The following USP10 variants were observed in gnomAD, a reference collection of about 807,000 sequenced individuals.
USP10 encodes the protein ubiquitin carboxyl-terminal hydrolase 10.
A neutral mutation model predicts 84.5 loss-of-function variants in USP10; 22 were observed. That is an observed-to-expected ratio of 0.26 (90% CI 0.19 to 0.37). The LOEUF (loss-of-function observed/expected upper bound fraction) is 0.37. USP10 is among the 10% of genes least tolerant of loss of function. The pLI is 1.00. For missense variants in USP10, 1,019 were observed against 998.9 expected, an observed-to-expected ratio of 1.02 and a Z score of -0.27; for synonymous variants, 454 against 387.6, an observed-to-expected ratio of 1.17 and a Z score of -2.01.
At chr16:84,702,195 T>A (rs1433779913) in intron 1 of USP10, among the ~76,000 whole-genome samples, 1 of 151,638 alleles carries the variant, frequency 6.6e-6, no homozygotes, top group Non-Finnish European at 1.5e-5. Context: ...TAGCTGGGAT[T>A]ACAGGCGCCC....
intron 12 of USP10, among the ~76,000 whole-genome samples, chr16:84,773,584 T>C (rs1410446095): frequency 1.3e-5 from 2 of 152,224 alleles, no homozygotes; most frequent in Non-Finnish European, 2.9e-5. Context: ...ACAAGAGCTG[T>C]GCTTTCTGCT....
intron 1 of USP10, among the ~76,000 whole-genome samples, chr16:84,720,055 TA>T (rs1907579718): frequency 6.6e-6 from 1 of 152,236 alleles, no homozygotes; most frequent in Admixed American, 6.5e-5. Flanking sequence ...TGCTTGATCT[TA>T]ACACCGGAAG....
At chr16:84,775,044 G>A (rs759710766) in intron 12 of USP10, 116 bp from the exon 13 acceptor site, 1 of 863,326 alleles carries the variant, frequency 1.2e-6, no homozygotes, top group Non-Finnish European at 1.9e-6. Flanking sequence ...GTGTTGTTTT[G>A]TTCCTGGTCT....
intron 4 of USP10, among the ~76,000 whole-genome samples, chr16:84,754,948 C>G (rs534832765): frequency 1.3e-5 from 2 of 151,150 alleles, no homozygotes; most frequent in South Asian, 2.1e-4. Context: ...CGAGACCAGC[C>G]TGGCCAATGT....
chr16:84,732,531 C>T (rs957124966), intron 1 of USP10: 9 of 378,000 alleles, frequency 2.4e-5, no homozygotes, highest in East Asian at 1.1e-4. Flanking sequence ...ACTGCAACCT[C>T]GGCCTCCCTG....
At chr16:84,765,112 A>T (rs906373506) in intron 10 of USP10, among the ~76,000 whole-genome samples, 20 of 151,742 alleles carry the variant, frequency 1.3e-4, no homozygotes, top group African/African-American at 4.8e-4. Context: ...GTGTTTTGGT[A>T]AGAGAAGACA....
chr16:84,733,530 T>C (rs1465096160), intron 2 of USP10, 27 bp downstream of exon 2: 4 of 1,498,226 alleles, frequency 2.7e-6, no homozygotes, highest in Admixed American at 3.8e-5. Context: ...TTTTAGTGAG[T>C]CCGTGGGTAG....
intron 1 of USP10, 122 bp downstream of exon 1, chr16:84,700,233 G>T: frequency 1.2e-6 from 1 of 816,284 alleles, no homozygotes; most frequent in South Asian, 5.4e-5. Flanking sequence ...AGGGCGCTGG[G>T]ACACGCTGCC....
At chr16:84,774,656 G>C (rs1344358101) in intron 12 of USP10, among the ~76,000 whole-genome samples, 1 of 152,014 alleles carries the variant, frequency 6.6e-6, no homozygotes, top group African/African-American at 2.4e-5. Context: ...ATTTTTAATA[G>C]AGACGTGGTT....
chr16:84,707,041 A>G (rs549758520), intron 1 of USP10, among the ~76,000 whole-genome samples: 2 of 152,350 alleles, frequency 1.3e-5, no homozygotes, highest in South Asian at 2.1e-4. Flanking sequence ...CTGTATTATT[A>G]TAACCATTTT....
chr16:84,755,572 G>A (rs1231536974), intron 4 of USP10, among the ~76,000 whole-genome samples: 2 of 152,108 alleles, frequency 1.3e-5, no homozygotes, highest in South Asian at 2.1e-4. Context: ...GGAGGTCGAG[G>A]CTGCAGTGAG....
intron 4 of USP10, among the ~76,000 whole-genome samples, chr16:84,749,854 A>G (rs1911696098): frequency 6.6e-6 from 1 of 152,198 alleles, no homozygotes; most frequent in Admixed American, 6.5e-5. Flanking sequence ...CTTGGTGGCA[A>G]GGCCATCTCC....
chr16:84,732,967 A>C (rs1909435803), intron 1 of USP10: 1 of 409,132 alleles, frequency 2.4e-6, no homozygotes, highest in South Asian at 1.8e-5. Flanking sequence ...GATATTTTTA[A>C]AGATCATTAA....
At position 84,745,029 on chromosome 16, in the gene USP10, C is replaced by T. The variant is rs757533007; in HGVS notation, c.548C>T (p.Ser183Leu). 2 of 1,613,820 alleles carry T rather than the reference C, an allele frequency of 1.2e-6. No individual in the cohort carries two copies. The highest frequency in any genetic ancestry group is 2.2e-5 in the East Asian group (1 of 44,896). The change falls in exon 4 of 14, where the codon TCA becomes TTA. Residue 183 changes from serine (S) to leucine (L), a missense_variant. Physicochemically the swap from Ser to Leu is moderately radical, Grantham distance 145 (BLOSUM62 -2). Transcript: ENST00000219473. ...GCCCTGGTCAATGGCCATGCCAATT[C>T]AGCAGTCCCGAACAGTGTCAGTGCA... ...TEALVNGHAN[S>L]AVPNSVSAED...
At chr16:84,767,318 T>A (rs1233709180) in intron 10 of USP10, among the ~76,000 whole-genome samples, 3 of 149,954 alleles carry the variant, frequency 2.0e-5, no homozygotes, top group Admixed American at 1.3e-4. Context: ...CAATTTTTAC[T>A]CAGAAAAACT....
rs146510256 is a variant in USP10, at chr16:84,717,312, A to G, written c.22-16123A>G. Among the ~76,000 whole-genome samples the G allele has an allele frequency of 2.0e-3, 298 of 152,282 alleles. 2 individuals are homozygous for G. The highest frequency in any genetic ancestry group is 6.5e-3 in the African/African-American group (272 of 41,554). On this transcript the variant is annotated intron_variant, in intron 1 of 13. Coordinates refer to ENST00000219473, the MANE Select transcript of USP10 (RefSeq NM_005153.3). ...GGAGGTCTGCTGCCACCCAAAAAAGATTAGGAATCCTCCCTTTTAGAAATT... is the reference window on the plus strand; with the variant it reads ...GGAGGTCTGCTGCCACCCAAAAAAGGTTAGGAATCCTCCCTTTTAGAAATT...
chr16:84,706,775 C>T (rs909280479), intron 1 of USP10, among the ~76,000 whole-genome samples: 1 of 151,684 alleles, frequency 6.6e-6, no homozygotes, highest in Non-Finnish European at 1.5e-5. Flanking sequence ...CTCCTGACCT[C>T]GGGATCTGCC....
intron 10 of USP10, among the ~76,000 whole-genome samples, chr16:84,764,852 A>G (rs1913644992): frequency 6.6e-6 from 1 of 150,638 alleles, no homozygotes; most frequent in Non-Finnish European, 1.5e-5. Flanking sequence ...AGAAAAAGAT[A>G]CAGGAGAATG....
chr16:84,744,095 T>G (rs1567621554), intron 3 of USP10, among the ~76,000 whole-genome samples: 1 of 152,122 alleles, frequency 6.6e-6, no homozygotes, highest in Non-Finnish European at 1.5e-5. Flanking sequence ...ATCTTTTTTT[T>G]TTGTTTTTAA....
Sources: allele counts gnomAD v4.1 joint callset (sites outside exome capture counted in the v4.1 genomes callset), GRCh38; gene constraint gnomAD v4.1.1; transcripts MANE v1.5; gene names NCBI Gene and HGNC (gene_info 2026-07-23, HGNC 2026-07-21).